STXBP5L: variants seen among roughly 807,000 people sequenced by gnomAD.
STXBP5L encodes syntaxin-binding protein 5-like.
Under a neutral mutation model 144.5 loss-of-function variants are expected in STXBP5L, and 65 were observed. The observed-to-expected ratio is 0.45, with a 90% CI of 0.37 to 0.55. The LOEUF is 0.55. Ranked by LOEUF, STXBP5L falls within the 20% of genes least tolerant of loss-of-function variation. The probability of loss-of-function intolerance (pLI) is 0.00; values close to 1 mark genes in which losing one functional copy is unlikely to be tolerated. For missense variants in STXBP5L, 1,298 were observed against 1,405.5 expected, an observed-to-expected ratio of 0.92 and a Z score of 1.22; for synonymous variants, 505 against 469.6, an observed-to-expected ratio of 1.08 and a Z score of -0.97.
chr3:121,342,990 A>G (rs1372392492), intron 20 of STXBP5L, among the ~76,000 whole-genome samples: 2 of 151,210 alleles, frequency 1.3e-5, no homozygotes, highest in Non-Finnish European at 2.9e-5. Context: ...CTATTTCTCC[A>G]CATCCTCTCC....
chr3:121,279,886 C>A lies in STXBP5L; in HGVS notation c.2040C>A (p.Asp680Glu). The A allele has an allele frequency of 1.9e-6, 3 of 1,612,390 alleles. No individual in the cohort carries two copies. The change falls in exon 19 of 27, where the codon GAC becomes GAA. Residue 680 changes from aspartate (D) to glutamate (E), a missense_variant. Coordinates refer to ENST00000471454, the MANE Select transcript of STXBP5L (RefSeq NM_001308330.2). Reference sequence around the variant, plus strand: ...TACTGTTAAGCATGGGGACCATTGACCTATATAGATCAAGTGACTTATACC... The same window carrying A: ...TACTGTTAAGCATGGGGACCATTGAACTATATAGATCAAGTGACTTATACC... ...KTVLLSMGTI[D>E]LYRSSDLYQR...
At chr3:121,028,844 G>T (rs1345376879) in intron 3 of STXBP5L, among the ~76,000 whole-genome samples, 1 of 152,016 alleles carries the variant, frequency 6.6e-6, no homozygotes, top group Non-Finnish European at 1.5e-5. Context: ...GACAACAACT[G>T]CCATATAAGT....
At chr3:121,342,745 A>T (rs1360288255) in intron 20 of STXBP5L, among the ~76,000 whole-genome samples, 1 of 148,004 alleles carries the variant, frequency 6.8e-6, no homozygotes, top group African/African-American at 2.5e-5. Flanking sequence ...CCAGTCTATC[A>T]TTGTTGGACA....
At chr3:121,296,888 G>A (rs1028806562) in intron 19 of STXBP5L, among the ~76,000 whole-genome samples, 4 of 152,166 alleles carry the variant, frequency 2.6e-5, no homozygotes, top group Admixed American at 2.6e-4. Flanking sequence ...CAATGCAGGT[G>A]GACTGGAAGG....
chr3:120,942,142 A>T lies in STXBP5L; in HGVS notation c.190-12798A>T, dbSNP rs1287261815. ...GCTGTGTATAAATAATTTTATGACTATTAGGTTTTTGAAGATACTTTGAAA... is the reference window on the plus strand; with the variant it reads ...GCTGTGTATAAATAATTTTATGACTTTTAGGTTTTTGAAGATACTTTGAAA... On this transcript the variant is annotated intron_variant, in intron 2 of 26. Coordinates refer to ENST00000471454, the MANE Select transcript of STXBP5L (RefSeq NM_001308330.2). Among the ~76,000 whole-genome samples the T allele has an allele frequency of 3.3e-5, 5 of 151,732 alleles. No individual in the cohort carries two copies. The East Asian group carries it at 9.6e-4, about 29-fold the overall frequency.
chr3:121,344,068 A>G (rs989356651), intron 20 of STXBP5L, among the ~76,000 whole-genome samples: 4 of 151,810 alleles, frequency 2.6e-5, no homozygotes, highest in Admixed American at 2.0e-4. Flanking sequence ...TCAATGGAAC[A>G]CAACAGAGCC....
chr3:121,012,830 A>G (rs1247796767), intron 3 of STXBP5L, among the ~76,000 whole-genome samples: 2 of 143,846 alleles, frequency 1.4e-5, no homozygotes, highest in African/African-American at 4.9e-5. Flanking sequence ...TTCAACCCTT[A>G]TCCACCTTCC....
chr3:121,421,605 A>G lies in STXBP5L; in HGVS notation c.*2508A>G, dbSNP rs1029226329. ...CTGTACAATAAGTATACAATGTCTT[A>G]GCAAGATAAATTATTATACCCAAAA... On this transcript the variant is annotated 3_prime_UTR_variant, in exon 27 of 27. Transcript: ENST00000471454. 8 of 152,250 alleles carry G rather than the reference A, an allele frequency of 5.3e-5. No homozygotes were observed. The highest frequency in any genetic ancestry group is 1.7e-4 in the African/African-American group (7 of 41,472). The allele number at this position is 152,250 out of a possible 1,614,324, so 9.4% of individuals were successfully genotyped here. A position where few individuals can be genotyped will look rare whatever the true frequency, so the allele number is the denominator to read the frequency against.
At chr3:121,186,216 C>A (rs2047375920) in intron 9 of STXBP5L, among the ~76,000 whole-genome samples, 1 of 152,170 alleles carries the variant, frequency 6.6e-6, no homozygotes, top group Non-Finnish European at 1.5e-5. Flanking sequence ...ATGGGGTTTT[C>A]TAGATATATA....
chr3:120,928,639 AGTGTGTGTGT>A (rs71133519), intron 2 of STXBP5L, among the ~76,000 whole-genome samples: 199 of 147,262 alleles, frequency 1.4e-3, no homozygotes, highest in Middle Eastern at 3.5e-3. Context: ...TGGTATACAG[AGTGTGTGTGT>A]GTGTGTGTGT....
At chr3:121,113,822 AC>A (rs1241414357) in intron 5 of STXBP5L, among the ~76,000 whole-genome samples, 3 of 151,138 alleles carry the variant, frequency 2.0e-5, no homozygotes, top group Non-Finnish European at 4.4e-5. Context: ...ATGGGCACCC[AC>A]CACCACGCCC....
intron 7 of STXBP5L, among the ~76,000 whole-genome samples, chr3:121,125,759 G>A (rs2044675951): frequency 6.6e-6 from 1 of 152,022 alleles, no homozygotes; most frequent in Admixed American, 6.6e-5. Flanking sequence ...CATTAATTCT[G>A]GATTCAGAAG....
At chr3:121,184,649 T>A in intron 9 of STXBP5L, among the ~76,000 whole-genome samples, 1 of 152,070 alleles carries the variant, frequency 6.6e-6, no homozygotes, top group East Asian at 1.9e-4. Context: ...CTTCAGGATA[T>A]TATCCAGGAG....
At chr3:121,050,670 C>T (rs1036395459) in intron 5 of STXBP5L, among the ~76,000 whole-genome samples, 3 of 152,186 alleles carry the variant, frequency 2.0e-5, no homozygotes, top group Admixed American at 6.6e-5. Flanking sequence ...GAAGAAACTG[C>T]ATCAACTAAC....
At chr3:121,414,625 C>A (rs537691720) in intron 24 of STXBP5L, among the ~76,000 whole-genome samples, 2 of 152,322 alleles carry the variant, frequency 1.3e-5, no homozygotes, top group South Asian at 2.1e-4. Context: ...AGGTAAGATA[C>A]TTTAGACAGA....
chr3:121,085,534 A>T (rs890385665), intron 5 of STXBP5L, among the ~76,000 whole-genome samples: 1 of 152,190 alleles, frequency 6.6e-6, no homozygotes, highest in Admixed American at 6.5e-5. Context: ...CACCAACAAT[A>T]GACAAACAGA....
intron 5 of STXBP5L, among the ~76,000 whole-genome samples, chr3:121,047,264 T>C (rs959777720): frequency 1.3e-5 from 2 of 152,148 alleles, no homozygotes; most frequent in African/African-American, 2.4e-5. Context: ...GATTGTTTTA[T>C]GTCCAATTGT....
intron 3 of STXBP5L, among the ~76,000 whole-genome samples, chr3:120,999,918 A>G (rs1943637561): frequency 1.3e-5 from 2 of 151,876 alleles, no homozygotes; most frequent in African/African-American, 2.4e-5. Flanking sequence ...CTTTTCTTTA[A>G]TGATGTTGAA....
intron 5 of STXBP5L, among the ~76,000 whole-genome samples, chr3:121,100,711 C>G (rs2043374614): frequency 6.6e-6 from 1 of 151,644 alleles, no homozygotes; most frequent in African/African-American, 2.4e-5. Context: ...CAAACTAATC[C>G]TAAAGCTAGC....
Sources: gnomAD v4.1 joint callset for allele counts (sites outside exome capture counted in the v4.1 genomes callset) on GRCh38, gnomAD v4.1.1 for gene constraint, MANE v1.5 for transcripts, NCBI Gene and HGNC (gene_info 2026-07-23, HGNC 2026-07-21) for gene names.